Variants in RAB30 observed in about 807,000 individuals in gnomAD.
The protein encoded by RAB30 is RAB30, member RAS oncogene family, also known as ras-related protein Rab-30.
RAB30 carries 9 observed loss-of-function variants against 25.1 expected under a neutral mutation model. The observed-to-expected ratio is 0.36, with a 90% CI of 0.22 to 0.63. RAB30 has a LOEUF of 0.63. RAB30 is among the 20% of genes least tolerant of loss of function. The pLI, the probability that RAB30 is intolerant of heterozygous loss-of-function variation, is 0.69. For missense variants in RAB30, 140 were observed against 243.5 expected, an observed-to-expected ratio of 0.58 and a Z score of 2.83; for synonymous variants, 77 against 86.4, an observed-to-expected ratio of 0.89 and a Z score of 0.60.
At chr11:83,066,430 G>C (rs894969293) in intron 1 of RAB30, among the ~76,000 whole-genome samples, 1 of 142,770 alleles carries the variant, frequency 7.0e-6, no homozygotes. Flanking sequence ...CAATTAGAAT[G>C]ATTTTTTTGA....
At chr11:83,024,990 C>T (rs933010538) in intron 1 of RAB30, among the ~76,000 whole-genome samples, 3 of 152,108 alleles carry the variant, frequency 2.0e-5, no homozygotes, top group African/African-American at 7.2e-5. Flanking sequence ...TCCGTTTAAC[C>T]GAGCATCCCA....
chr11:83,046,373 C>T (rs1179613626), intron 1 of RAB30, among the ~76,000 whole-genome samples: 1 of 152,178 alleles, frequency 6.6e-6, no homozygotes, highest in Non-Finnish European at 1.5e-5. Context: ...AGGTATTCCA[C>T]CCTTTGGCCT....
intron 4 of RAB30, among the ~76,000 whole-genome samples, chr11:82,984,309 T>A (rs1856697223): frequency 6.6e-6 from 1 of 152,184 alleles, no homozygotes; most frequent in Non-Finnish European, 1.5e-5. Flanking sequence ...GTGGAGTTGT[T>A]ATAATAGATT....
Position 82,977,409 on chromosome 11 carries a change from G to A in RAB30, c.*4756C>T, listed in dbSNP as rs1368833070. 7 of 152,108 alleles carry A rather than the reference G, an allele frequency of 4.6e-5. No homozygotes were observed. The highest frequency in any genetic ancestry group is 8.8e-5 in the Non-Finnish European group (6 of 68,022). The allele number at this position is 152,108 out of a possible 1,614,324, so 9.4% of individuals were successfully genotyped here. A position where few individuals can be genotyped will look rare whatever the true frequency, so the allele number is the denominator to read the frequency against. ...TATTTAATTGAACATGTTATGAGAG[G>A]CAAAGTACTACATACAACATGGAAT... On this transcript the variant is annotated 3_prime_UTR_variant, in exon 5 of 5. Coordinates refer to ENST00000527633, the MANE Select transcript of RAB30 (RefSeq NM_001286060.2).
chr11:83,047,615 A>T (rs2121517188), intron 1 of RAB30, among the ~76,000 whole-genome samples: 1 of 152,356 alleles, frequency 6.6e-6, no homozygotes, highest in East Asian at 1.9e-4. Context: ...AAGGTAAAAG[A>T]AAAAATAAAG....
chr11:82,998,025 G>A (rs1466588717), intron 1 of RAB30, among the ~76,000 whole-genome samples: 1 of 152,074 alleles, frequency 6.6e-6, no homozygotes, highest in Non-Finnish European at 1.5e-5. Flanking sequence ...AAGGTCCAAT[G>A]CCAGCAATTC....
At chr11:83,039,831 G>A (rs117261329) in intron 1 of RAB30, among the ~76,000 whole-genome samples, 5 of 152,250 alleles carry the variant, frequency 3.3e-5, no homozygotes, top group East Asian at 3.9e-4. Flanking sequence ...AAAAATGGCC[G>A]ACTTAATAAG....
intron 1 of RAB30, among the ~76,000 whole-genome samples, chr11:83,070,384 T>A (rs1858807037): frequency 1.3e-5 from 2 of 152,248 alleles, no homozygotes; most frequent in Admixed American, 1.3e-4. Flanking sequence ...CCTAAGGATC[T>A]GAATTTAAAA....
chr11:82,982,097 G>A lies in RAB30; in HGVS notation c.*68C>T. ...AGAGCGGGAGCCACAGTCATCGCCA[G>A]ATCTCCCCAGCATCTCATGGCCCAT... is the stretch of plus-strand genomic sequence containing the variant. On this transcript the variant is annotated 3_prime_UTR_variant, in exon 5 of 5. Transcript: ENST00000527633. The A allele has an allele frequency of 1.3e-6, 2 of 1,593,382 alleles. No homozygotes were observed. Among genetic ancestry groups the A allele is most frequent in the Non-Finnish European group, 1.7e-6 (2 of 1,165,892 alleles).
At chr11:83,050,422 G>T (rs1565289513) in intron 1 of RAB30, among the ~76,000 whole-genome samples, 1 of 152,128 alleles carries the variant, frequency 6.6e-6, no homozygotes, top group South Asian at 2.1e-4. Flanking sequence ...TCAACAGACT[G>T]TCTGGCACAC....
At chr11:83,064,034 A>G (rs908547166) in intron 1 of RAB30, among the ~76,000 whole-genome samples, 2 of 152,224 alleles carry the variant, frequency 1.3e-5, no homozygotes, top group African/African-American at 4.8e-5. Flanking sequence ...ACAGTTGATT[A>G]TCTTTGTGGG....
At chr11:83,054,566 A>G (rs1858418353) in intron 1 of RAB30, among the ~76,000 whole-genome samples, 1 of 152,142 alleles carries the variant, frequency 6.6e-6, no homozygotes, top group Admixed American at 6.5e-5. Context: ...ACAACAACAA[A>G]AAAGAAAGTT....
chr11:83,031,299 C>A (rs1321003307), intron 1 of RAB30, among the ~76,000 whole-genome samples: 1 of 152,184 alleles, frequency 6.6e-6, no homozygotes, highest in Non-Finnish European at 1.5e-5. Flanking sequence ...TCTTAAGTCA[C>A]TTTATTATTT....
intron 1 of RAB30, among the ~76,000 whole-genome samples, chr11:83,031,037 C>T (rs1590864671): frequency 6.6e-6 from 1 of 152,246 alleles, no homozygotes; most frequent in African/African-American, 2.4e-5. Context: ...TGGGAGTGTG[C>T]ATATATAGAG....
chr11:83,050,573 TA>T (rs1467160280), intron 1 of RAB30, among the ~76,000 whole-genome samples: 5 of 152,214 alleles, frequency 3.3e-5, no homozygotes, highest in Non-Finnish European at 7.3e-5. Flanking sequence ...AAGTATTTTT[TA>T]AATGGACTGA....
chr11:82,990,254 G>C (rs1856824737), intron 3 of RAB30, among the ~76,000 whole-genome samples: 1 of 152,176 alleles, frequency 6.6e-6, no homozygotes, highest in African/African-American at 2.4e-5. Flanking sequence ...CTACTACTGA[G>C]TTCTTTGAGA....
chr11:83,065,257 G>A (rs373557706), intron 1 of RAB30, among the ~76,000 whole-genome samples: 30 of 152,250 alleles, frequency 2.0e-4, no homozygotes, highest in African/African-American at 7.0e-4. Context: ...AGGCATGGTG[G>A]TGCACACCTG....
intron 1 of RAB30, among the ~76,000 whole-genome samples, chr11:83,040,534 T>C (rs1206734341): frequency 6.7e-6 from 1 of 148,442 alleles, no homozygotes; most frequent in Non-Finnish European, 1.5e-5. Flanking sequence ...GAGGTTGCAG[T>C]GAGCCGAGAG....
At chr11:83,014,697 A>G (rs917936537) in intron 1 of RAB30, among the ~76,000 whole-genome samples, 12 of 150,026 alleles carry the variant, frequency 8.0e-5, no homozygotes, top group South Asian at 2.1e-4. Flanking sequence ...AAAGAAAGAG[A>G]AAGGAAGGAA....
Sources: gnomAD v4.1 joint callset for allele counts (sites outside exome capture counted in the v4.1 genomes callset) on GRCh38, gnomAD v4.1.1 for gene constraint, MANE v1.5 for transcripts, NCBI Gene and HGNC (gene_info 2026-07-23, HGNC 2026-07-21) for gene names.